The following VWC2L variants were observed in gnomAD, a reference collection of about 807,000 sequenced individuals.
VWC2L encodes the protein von Willebrand factor C domain-containing protein 2-like.
In VWC2L, 10 loss-of-function variants were observed where a neutral mutation model predicts 21.6. That is an observed-to-expected ratio of 0.46 (90% CI 0.29 to 0.78). VWC2L has a LOEUF of 0.78. Ranked by LOEUF, VWC2L falls within the 30% of genes least tolerant of loss-of-function variation. The pLI is 0.10. For missense variants in VWC2L, 209 were observed against 277.1 expected, an observed-to-expected ratio of 0.75 and a Z score of 1.74; for synonymous variants, 96 against 94.3, an observed-to-expected ratio of 1.02 and a Z score of -0.10.
At chr2:214,508,907 C>CT (rs139490243) in intron 3 of VWC2L, among the ~76,000 whole-genome samples, 2,121 of 152,160 alleles carry the variant, frequency 0.014, 57 homozygotes, top group African/African-American at 0.048. Flanking sequence ...AATGGTTTTT[C>CT]TTTTTTTCCT....
In VWC2L at chr2:214,429,548, T is replaced by TA. The variant is rs950364998; in HGVS notation, c.391-7073dup. Among the ~76,000 whole-genome samples, 33 of 152,030 alleles carry TA rather than the reference T, an allele frequency of 2.2e-4. 1 individual carries two copies. The highest frequency in any genetic ancestry group is 1.2e-3 in the South Asian group (6 of 4,818). ...CTTGATAAGCATACTGTGCCTACTT[T>TA]AAAAAAAATACATCTTTGATTGCAA... is the stretch of plus-strand genomic sequence containing the variant. On this transcript the variant is annotated intron_variant, in intron 2 of 3. Transcript: ENST00000312504.
chr2:214,520,704 G>A (rs1352672387), intron 3 of VWC2L, among the ~76,000 whole-genome samples: 1 of 151,964 alleles, frequency 6.6e-6, no homozygotes, highest in African/African-American at 2.4e-5. Context: ...TGCCAATTTG[G>A]TAGACAAAAA....
intron 3 of VWC2L, among the ~76,000 whole-genome samples, chr2:214,460,418 T>C (rs1703123267): frequency 6.6e-6 from 1 of 152,138 alleles, no homozygotes; most frequent in South Asian, 2.1e-4. Context: ...TGCTTTATAG[T>C]ACTCTATATG....
intron 3 of VWC2L, among the ~76,000 whole-genome samples, chr2:214,548,551 A>G (rs1330715294): frequency 6.6e-6 from 1 of 152,204 alleles, no homozygotes; most frequent in African/African-American, 2.4e-5. Context: ...CCATTCTGAG[A>G]GCATGGAAGC....
intron 3 of VWC2L, among the ~76,000 whole-genome samples, chr2:214,573,033 A>G (rs952602476): frequency 2.0e-5 from 3 of 152,194 alleles, no homozygotes; most frequent in African/African-American, 7.2e-5. Flanking sequence ...AGGTTAGTCA[A>G]ATACACACTG....
At chr2:214,545,948 C>T (rs1461675589) in intron 3 of VWC2L, among the ~76,000 whole-genome samples, 5 of 152,194 alleles carry the variant, frequency 3.3e-5, no homozygotes, top group African/African-American at 4.8e-5. Context: ...TAGGGATGTT[C>T]ACCATCCATA....
intron 3 of VWC2L, among the ~76,000 whole-genome samples, chr2:214,466,867 ATC>A (rs2126190992): frequency 6.6e-6 from 1 of 152,122 alleles, no homozygotes; most frequent in South Asian, 2.1e-4. Flanking sequence ...TTATTCTGAT[ATC>A]TGTGTTAGCT....
At position 214,442,569 on chromosome 2, in the gene VWC2L, T is replaced by C. The variant is rs1702776297; in HGVS notation, c.520+5811T>C. On this transcript the variant is annotated intron_variant, in intron 3 of 3. Coordinates refer to ENST00000312504, the MANE Select transcript of VWC2L (RefSeq NM_001080500.4). ...AGTGATCAGAACAGGAAGTAAGAAGTGGAAGTAAGAATCTAGAAGCAGAGA... is the reference window on the plus strand; with the variant it reads ...AGTGATCAGAACAGGAAGTAAGAAGCGGAAGTAAGAATCTAGAAGCAGAGA... Among the ~76,000 whole-genome samples the C allele has an allele frequency of 2.6e-5, 4 of 152,050 alleles. No homozygotes were observed. In the South Asian group the frequency reaches 6.2e-4, roughly 24 times the overall value.
At chr2:214,499,394 T>C (rs575321769) in intron 3 of VWC2L, among the ~76,000 whole-genome samples, 12 of 151,698 alleles carry the variant, frequency 7.9e-5, no homozygotes, top group African/African-American at 2.9e-4. Context: ...CAAGTTTAGA[T>C]ACCACCAGTT....
chr2:214,459,537 G>T (rs2126187948), intron 3 of VWC2L, among the ~76,000 whole-genome samples: 1 of 152,160 alleles, frequency 6.6e-6, no homozygotes, highest in South Asian at 2.1e-4. Flanking sequence ...CTTCATTTGT[G>T]TTTGCTTTAC....
chr2:214,479,358 C>T lies in VWC2L; in HGVS notation c.520+42600C>T, dbSNP rs55698834. 8.6e-3 allele frequency among the ~76,000 whole-genome samples: 1,266 copies of T among 146,652 alleles called. 22 individuals carry two copies. The highest frequency in any genetic ancestry group is 0.032 in the African/African-American group (1,190 of 37,076). On this transcript the variant is annotated intron_variant, in intron 3 of 3. Coordinates refer to ENST00000312504, the MANE Select transcript of VWC2L (RefSeq NM_001080500.4). The stretch of plus-strand genomic sequence containing the variant: ...ACAAAATTTTTACTTCATTTATTCT[C>T]CCTATTTATCTATTTGTGCCCTGTT...
At chr2:214,558,945 T>C (rs1258108327) in intron 3 of VWC2L, among the ~76,000 whole-genome samples, 1 of 152,044 alleles carries the variant, frequency 6.6e-6, no homozygotes, top group Non-Finnish European at 1.5e-5. Flanking sequence ...TATGTATACA[T>C]GTGCCATGCT....
chr2:214,465,967 A>G (rs941971405), intron 3 of VWC2L, among the ~76,000 whole-genome samples: 3 of 152,162 alleles, frequency 2.0e-5, no homozygotes, highest in African/African-American at 7.2e-5. Context: ...CCAAGCACAC[A>G]GATTCTTTCT....
intron 3 of VWC2L, among the ~76,000 whole-genome samples, chr2:214,548,005 T>C (rs1024932744): frequency 1.3e-5 from 2 of 152,258 alleles, no homozygotes; most frequent in African/African-American, 4.8e-5. Context: ...GATGCTTTCA[T>C]AATTTAGGTT....
chr2:214,462,803 C>A (rs1332106936), intron 3 of VWC2L, among the ~76,000 whole-genome samples: 2 of 152,030 alleles, frequency 1.3e-5, no homozygotes, highest in African/African-American at 4.8e-5. Context: ...CTAAATTCTG[C>A]TTTAGTATCA....
At position 214,578,122 on chromosome 2, in the gene VWC2L, C is replaced by A. The variant is rs1453739126; in HGVS notation, c.*2302C>A. 1 of 152,128 alleles carries A rather than the reference C, an allele frequency of 6.6e-6. No homozygotes were observed. The highest frequency in any genetic ancestry group is 2.4e-5 in the African/African-American group (1 of 41,414). The allele number at this position is 152,128 out of a possible 1,614,324, so 9.4% of individuals were successfully genotyped here. The stretch of plus-strand genomic sequence containing the variant: ...GTTGCCAACTTCAAAAATCCACACT[C>A]TTGGAAAGAAATAATAATAATAAAT... On this transcript the variant is annotated 3_prime_UTR_variant, in exon 4 of 4. Coordinates refer to ENST00000312504, the MANE Select transcript of VWC2L (RefSeq NM_001080500.4).
At chr2:214,520,139 G>GA (rs1302529268) in intron 3 of VWC2L, among the ~76,000 whole-genome samples, 1 of 148,612 alleles carries the variant, frequency 6.7e-6, no homozygotes, top group Non-Finnish European at 1.5e-5. Flanking sequence ...AAAATTTGAG[G>GA]GAAAAAAATG....
chr2:214,561,807 T>C lies in VWC2L; in HGVS notation c.521-13865T>C, dbSNP rs541822310. 3.5e-3 allele frequency among the ~76,000 whole-genome samples: 482 copies of C among 137,426 alleles called. 8 individuals are homozygous for C. The highest frequency in any genetic ancestry group is 0.014 in the African/African-American group (441 of 31,998). The allele number at this position is 137,426 out of a possible 152,430, so 90.2% of individuals were successfully genotyped here. On this transcript the variant is annotated intron_variant, in intron 3 of 3. Coordinates refer to ENST00000312504, the MANE Select transcript of VWC2L (RefSeq NM_001080500.4). Reference sequence around the variant, plus strand: ...AATTATATATATATATATATATATATATACACACACATATATAATTTTATA... The same window carrying C: ...AATTATATATATATATATATATATACATACACACACATATATAATTTTATA...
At chr2:214,460,457 TTC>T (rs1208638169) in intron 3 of VWC2L, among the ~76,000 whole-genome samples, 1 of 152,148 alleles carries the variant, frequency 6.6e-6, no homozygotes, top group Non-Finnish European at 1.5e-5. Flanking sequence ...TTCCTTTTTA[TTC>T]TCTTTGGATT....
Sources: gnomAD v4.1 joint callset for allele counts (sites outside exome capture counted in the v4.1 genomes callset) on GRCh38, gnomAD v4.1.1 for gene constraint, MANE v1.5 for transcripts, NCBI Gene and HGNC (gene_info 2026-07-23, HGNC 2026-07-21) for gene names.